Variants in PDXDC1 observed in about 807,000 individuals in gnomAD.
PDXDC1 encodes the protein pyridoxal-dependent decarboxylase domain-containing protein 1.
PDXDC1 carries 42 observed loss-of-function variants against 100.1 expected under a neutral mutation model. The ratio of observed to expected loss-of-function variants is 0.42; its 90% CI spans 0.33 to 0.54. The LOEUF (loss-of-function observed/expected upper bound fraction) is 0.54, where lower values mean the gene tolerates loss of function less well. Among genes scored for constraint, PDXDC1 ranks in the 20% least tolerant of loss-of-function variants. The pLI, the probability that PDXDC1 is intolerant of heterozygous loss-of-function variation, is 0.10. For missense variants in PDXDC1, 636 were observed against 979.2 expected, an observed-to-expected ratio of 0.65 and a Z score of 4.68; for synonymous variants, 260 against 371.7, an observed-to-expected ratio of 0.70 and a Z score of 3.46.
chr16:14,988,606 T>A lies in PDXDC1; in HGVS notation c.22-9147T>A. ...AGGCAGCCTGCCTTGCAGGCATAGA[T>A]CTTGACAGGCTGGCCACGGGACTCC... On this transcript the variant is annotated intron_variant, in intron 1 of 22. Coordinates refer to ENST00000396410, the MANE Select transcript of PDXDC1 (RefSeq NM_015027.4). 11 of 1,613,746 alleles carry A rather than the reference T, an allele frequency of 6.8e-6. 1 individual carries two copies. The South Asian group carries it at 1.1e-4, about 16-fold the overall frequency.
intron 1 of PDXDC1, among the ~76,000 whole-genome samples, chr16:14,982,183 C>G (rs1179328097): frequency 2.6e-5 from 4 of 152,308 alleles, no homozygotes; most frequent in African/African-American, 9.6e-5. Context: ...CTTGGCTAAC[C>G]CTTTTCAACT....
intron 6 of PDXDC1, among the ~76,000 whole-genome samples, chr16:15,006,954 T>C (rs2040828297): frequency 6.6e-6 from 1 of 152,294 alleles, no homozygotes; most frequent in Admixed American, 6.5e-5. Flanking sequence ...CAAGTGAATA[T>C]ATAGTAATTA....
rs185363995 is a variant in PDXDC1 at position 15,092,827 on chromosome 16, G to C, written c.1400-46052G>C. On this transcript the variant is annotated intron_variant, in intron 16 of 16. Transcript: ENST00000535621. ...TTACAGTAAAAATCCAAATCTCTCA[G>C]TGTGGTCTTTAAGATCCTACATTAA... 1.6e-3 allele frequency among the ~76,000 whole-genome samples: 246 copies of C among 152,182 alleles called. 1 individual carries two copies. Among genetic ancestry groups the C allele is most frequent in the African/African-American group, 5.5e-3 (229 of 41,510 alleles).
intron 16 of PDXDC1, among the ~76,000 whole-genome samples, chr16:15,102,417 G>A (rs1015722444): frequency 6.6e-6 from 1 of 151,836 alleles, no homozygotes; most frequent in Non-Finnish European, 1.5e-5. Context: ...GAGGCCTAAG[G>A]GTCAATGGGC....
At chr16:15,103,493 G>A (rs2046640632) in intron 16 of PDXDC1, 1 of 592,500 alleles carries the variant, frequency 1.7e-6, no homozygotes, top group Non-Finnish European at 3.0e-6. Flanking sequence ...TATATCTAAT[G>A]TAAGTGATAT....
At chr16:15,013,161 C>T (rs1205678606) in intron 8 of PDXDC1, among the ~76,000 whole-genome samples, 4 of 151,918 alleles carry the variant, frequency 2.6e-5, no homozygotes, top group Non-Finnish European at 4.4e-5. Flanking sequence ...CAGAGTGAGA[C>T]TCTGTTTCTG....
At position 15,070,273 on chromosome 16, in the gene PDXDC1, C is replaced by A. The variant is rs552895090; in HGVS notation, c.1399+40217C>A. 1.6e-4 allele frequency: 251 copies of A among 1,611,440 alleles called. 4 individuals carry two copies. The East Asian group carries it at 5.5e-3, about 35-fold the overall frequency. ...TACAGTACTAGAGAAAAGAAAAATTCAAGTCAACTTTACACATCATAAAAA... is the reference window on the plus strand; with the variant it reads ...TACAGTACTAGAGAAAAGAAAAATTAAAGTCAACTTTACACATCATAAAAA... On this transcript the variant is annotated intron_variant, in intron 16 of 16. Coordinates refer to the PDXDC1 transcript ENST00000535621.
intron 12 of PDXDC1, among the ~76,000 whole-genome samples, chr16:15,021,011 C>CACACACACACACACACAA (rs1555562306): frequency 6.9e-6 from 1 of 145,676 alleles, no homozygotes. Flanking sequence ...CACACACACA[C>CACACACACACACACACAA]GAAAAGTATT....
intron 16 of PDXDC1, among the ~76,000 whole-genome samples, chr16:15,111,124 TCACACACA>T (rs200365846): frequency 0.039 from 5,461 of 139,092 alleles, 364 homozygotes; most frequent in Non-Finnish European, 0.061. Flanking sequence ...TGAGACTCTG[TCACACACA>T]CACACACACA....
At chr16:15,023,894 T>A (rs990816835) in intron 13 of PDXDC1, among the ~76,000 whole-genome samples, 1 of 152,292 alleles carries the variant, frequency 6.6e-6, no homozygotes, top group African/African-American at 2.4e-5. Context: ...CAAGCTTGAC[T>A]GTCAAATGAA....
At chr16:15,054,527 TAACAC>T (rs1391390604) in intron 16 of PDXDC1, among the ~76,000 whole-genome samples, 2 of 152,204 alleles carry the variant, frequency 1.3e-5, no homozygotes, top group Non-Finnish European at 2.9e-5. Context: ...AACAGGACAG[TAACAC>T]AACGCAAGGA....
In PDXDC1 at chr16:15,111,076, G is replaced by A. The variant is rs9746237; in HGVS notation, c.1400-27803G>A. Among the ~76,000 whole-genome samples the A allele has an allele frequency of 9.4e-5, 14 of 148,924 alleles. No homozygotes were observed. In the South Asian group the frequency reaches 1.5e-3, roughly 16 times the overall value. On this transcript the variant is annotated intron_variant, in intron 16 of 16. Transcript: ENST00000535621. ...CTGGGAGGCGGAGGTTGCAGTGAGC[G>A]GAGATCACACCACTGCACTCCAGCC...
At chr16:15,038,807 C>CCTGT (rs2043670869), downstream of PDXDC1, 2 of 603,316 alleles carry the variant, frequency 3.3e-6, no homozygotes, top group African/African-American at 3.7e-5. Flanking sequence ...CTTCTTAAAA[C>CCTGT]CTGTCTCAAA....
At chr16:15,140,214 G>A (rs1382323614), downstream of PDXDC1, among the ~76,000 whole-genome samples, 1 of 151,452 alleles carries the variant, frequency 6.6e-6, no homozygotes, top group Non-Finnish European at 1.5e-5. Flanking sequence ...GGAGGCTGAG[G>A]CGGGCGGATC....
chr16:15,147,252 C>T, the PDXDC1 span, among the ~76,000 whole-genome samples: 1 of 152,264 alleles, frequency 6.6e-6, no homozygotes, highest in Non-Finnish European at 1.5e-5. Context: ...CACATCCCAG[C>T]CCGACTCGGA....
rs199718808 is a variant in PDXDC1, at chr16:15,033,369, C to T, written c.1782C>T (p.Ala594=). 2 of 1,614,170 alleles carry T rather than the reference C, an allele frequency of 1.2e-6. No individual in the cohort carries two copies. The stretch of plus-strand genomic sequence containing the variant: ...CTGAGCTCGTGGAGACCATTGCGGC[C>T]ACAGCCCGGGAGATAGAGGAGAACT... ...DAAELVETIA[A]TAREIEENSR... The change falls in exon 19 of 23, where the codon GCC becomes GCT. Residue 594 remains alanine, a synonymous_variant. Transcript: ENST00000396410.
intron 8 of PDXDC1, among the ~76,000 whole-genome samples, chr16:15,015,024 G>A (rs535742661): frequency 6.6e-6 from 1 of 152,282 alleles, no homozygotes; most frequent in Non-Finnish European, 1.5e-5. Flanking sequence ...TACAAGCTCT[G>A]CCTCCCAGGT....
At chr16:14,990,354 G>T (rs1360771618) in intron 1 of PDXDC1, among the ~76,000 whole-genome samples, 1 of 152,288 alleles carries the variant, frequency 6.6e-6, no homozygotes, top group Admixed American at 6.5e-5. Flanking sequence ...ATTTAGGTTT[G>T]TGTCTGGCTG....
At chr16:15,096,800 C>G (rs933943223) in intron 16 of PDXDC1, among the ~76,000 whole-genome samples, 2 of 152,220 alleles carry the variant, frequency 1.3e-5, no homozygotes, top group Non-Finnish European at 2.9e-5. Context: ...CCTCTCACCT[C>G]AGCCGCCCGA....
Sources: allele counts gnomAD v4.1 joint callset (sites outside exome capture counted in the v4.1 genomes callset), GRCh38; gene constraint gnomAD v4.1.1; transcripts MANE v1.5; gene names NCBI Gene and HGNC (gene_info 2026-07-23, HGNC 2026-07-21).